Variants in NRP1 observed in about 807,000 individuals in gnomAD.
NRP1 encodes neuropilin 1, also known as neuropilin-1.
Under a neutral mutation model 106.7 loss-of-function variants are expected in NRP1, and 35 were observed. The ratio of observed to expected loss-of-function variants is 0.33; its 90% CI spans 0.25 to 0.43. The LOEUF is 0.43. Ranked by LOEUF, NRP1 falls within the 20% of genes least tolerant of loss-of-function variation. NRP1 has a pLI of 1.00. For missense variants in NRP1, 1,024 were observed against 1,170.4 expected, an observed-to-expected ratio of 0.87 and a Z score of 1.83; for synonymous variants, 437 against 417.9, an observed-to-expected ratio of 1.05 and a Z score of -0.56.
intron 6 of NRP1, among the ~76,000 whole-genome samples, chr10:33,233,863 A>ATT (rs1298193755): frequency 2.0e-5 from 3 of 152,170 alleles, no homozygotes; most frequent in Non-Finnish European, 2.9e-5. Flanking sequence ...TTTTTAAGCA[A>ATT]TTGTCTCATT....
At chr10:33,248,651 C>A (rs899379659) in intron 6 of NRP1, among the ~76,000 whole-genome samples, 1 of 152,200 alleles carries the variant, frequency 6.6e-6, no homozygotes, top group Non-Finnish European at 1.5e-5. Context: ...TGGCTCCAGT[C>A]CTTCTCTTCT....
chr10:33,212,226 A>C (rs918449376), intron 9 of NRP1: 4 of 152,250 alleles, frequency 2.6e-5, no homozygotes, highest in East Asian at 1.9e-4. Flanking sequence ...TCAACGCATA[A>C]AGAAATATAC....
intron 4 of NRP1, among the ~76,000 whole-genome samples, chr10:33,258,227 T>C (rs1235636846): frequency 6.6e-6 from 1 of 152,186 alleles, no homozygotes; most frequent in Admixed American, 6.5e-5. Context: ...TTTCAGCTCT[T>C]GGCCAATTCT....
chr10:33,251,237 G>A (rs1189926008), intron 6 of NRP1, among the ~76,000 whole-genome samples: 7 of 152,238 alleles, frequency 4.6e-5, no homozygotes, highest in Admixed American at 2.0e-4. Flanking sequence ...CATGTAAGAC[G>A]TGCCTGCTTC....
intron 6 of NRP1, among the ~76,000 whole-genome samples, chr10:33,240,687 G>C (rs1840942503): frequency 6.6e-6 from 1 of 152,130 alleles, no homozygotes. Context: ...GGAGAACTTG[G>C]AAGTGCAGGT....
chr10:33,273,946 C>T (rs553340430), intron 2 of NRP1, among the ~76,000 whole-genome samples: 2 of 152,220 alleles, frequency 1.3e-5, no homozygotes, highest in African/African-American at 4.8e-5. Context: ...TCACCCTCCC[C>T]ACTTACCACC....
At chr10:33,240,717 G>A (rs1840945041) in intron 6 of NRP1, among the ~76,000 whole-genome samples, 1 of 152,052 alleles carries the variant, frequency 6.6e-6, no homozygotes, top group Non-Finnish European at 1.5e-5. Flanking sequence ...ACTCTCCTTG[G>A]CATTAAAAAT....
At chr10:33,247,888 G>C (rs7096035) in intron 6 of NRP1, among the ~76,000 whole-genome samples, 1,833 of 152,272 alleles carry the variant, frequency 0.012, 38 homozygotes, top group African/African-American at 0.042. Context: ...CAGGACTTTG[G>C]TGAACCATTT....
In NRP1 at chr10:33,324,078, C is replaced by T. The variant is rs377036900; in HGVS notation, c.248+6630G>A. Among the ~76,000 whole-genome samples the T allele has an allele frequency of 2.0e-5, 3 of 152,114 alleles. No homozygotes were observed. The East Asian group carries it at 5.8e-4, about 29-fold the overall frequency. ...TACAGAAATGCCTAACACAAAACAA[C>T]CTCGTAATACTCAAAATTCATTATG... On this transcript the variant is annotated intron_variant, in intron 2 of 16. Coordinates refer to ENST00000374867, the MANE Select transcript of NRP1 (RefSeq NM_003873.7).
At chr10:33,241,700 A>G (rs75394286) in intron 6 of NRP1, among the ~76,000 whole-genome samples, 1,740 of 151,254 alleles carry the variant, frequency 0.012, 11 homozygotes, top group Non-Finnish European at 0.02. Context: ...AAATAGGGCT[A>G]AGGCACATGT....
intron 8 of NRP1, 76 bp from the exon 9 acceptor site, chr10:33,213,793 A>G (rs1838527431): frequency 1.8e-6 from 2 of 1,117,768 alleles, no homozygotes; most frequent in Non-Finnish European, 1.3e-6. Context: ...AATACAACAT[A>G]TGGAATAAAG....
chr10:33,277,795 G>A (rs949266118), intron 2 of NRP1, among the ~76,000 whole-genome samples: 2 of 151,998 alleles, frequency 1.3e-5, no homozygotes, highest in African/African-American at 4.8e-5. Flanking sequence ...TTGTTTTTAA[G>A]TTTATAAAGT....
At chr10:33,233,225 G>A (rs747980375) in intron 6 of NRP1, among the ~76,000 whole-genome samples, 2 of 152,100 alleles carry the variant, frequency 1.3e-5, no homozygotes, top group Non-Finnish European at 2.9e-5. Flanking sequence ...GGGTGAAGGG[G>A]CGATGTTTGC....
rs1443109223 is a variant in NRP1, at chr10:33,279,195, TG to T, written c.249-8340del. ...AAGTAACAAATTATCACCAACTTAG[TG>T]ACTTGAAACAACACACAGTTCTTAG... On this transcript the variant is annotated intron_variant, in intron 2 of 16. Coordinates refer to ENST00000374867, the MANE Select transcript of NRP1 (RefSeq NM_003873.7). Among the ~76,000 whole-genome samples, 12 of 152,306 alleles carry T rather than the reference TG, an allele frequency of 7.9e-5. No individual in the cohort carries two copies. The East Asian group carries it at 2.1e-3, about 27-fold the overall frequency.
intron 6 of NRP1, among the ~76,000 whole-genome samples, chr10:33,231,667 G>C (rs187984161): frequency 1.3e-5 from 2 of 152,282 alleles, no homozygotes; most frequent in African/African-American, 4.8e-5. Flanking sequence ...AGGATATAAA[G>C]AGCAGTAAGA....
At chr10:33,330,906 C>A in intron 1 of NRP1, 24 bp from the exon 2 acceptor site, 1 of 1,572,818 alleles carries the variant, frequency 6.4e-7, no homozygotes, top group African/African-American at 1.4e-5. Context: ...AAGATTTTAG[C>A]AGATCTTTCC....
intron 2 of NRP1, among the ~76,000 whole-genome samples, chr10:33,289,386 G>A (rs527681239): frequency 1.3e-5 from 2 of 152,230 alleles, no homozygotes; most frequent in African/African-American, 2.4e-5. Context: ...TAGGTATTAC[G>A]TCTATAAATC....
At chr10:33,269,791 G>A (rs1249784925) in intron 3 of NRP1, among the ~76,000 whole-genome samples, 1 of 152,172 alleles carries the variant, frequency 6.6e-6, no homozygotes, top group Non-Finnish European at 1.5e-5. Context: ...TGAACTGTGT[G>A]TGCAAGAAAT....
At chr10:33,224,191 C>T (rs116844214) in intron 7 of NRP1, among the ~76,000 whole-genome samples, 1,633 of 152,232 alleles carry the variant, frequency 0.011, 11 homozygotes, top group Non-Finnish European at 0.019. Context: ...AGAACAGATG[C>T]CAAGCTCTCT....
Sources: allele counts gnomAD v4.1 joint callset (sites outside exome capture counted in the v4.1 genomes callset), GRCh38; gene constraint gnomAD v4.1.1; transcripts MANE v1.5; gene names NCBI Gene and HGNC (gene_info 2026-07-23, HGNC 2026-07-21).